The following CNTNAP5 variants were observed in gnomAD, a reference collection of about 807,000 sequenced individuals.
CNTNAP5 encodes the protein contactin associated protein family member 5, also known as contactin-associated protein-like 5.
CNTNAP5 carries 72 observed loss-of-function variants against 150.2 expected under a neutral mutation model. The ratio of observed to expected loss-of-function variants is 0.48; its 90% confidence interval spans 0.40 to 0.58. The LOEUF is 0.58. Ranked by LOEUF, CNTNAP5 falls within the 20% of genes least tolerant of loss-of-function variation. CNTNAP5 has a pLI of 0.00. For synonymous variants in CNTNAP5, 672 were observed against 619.8 expected, an observed-to-expected ratio of 1.08 and a Z score of -1.25; for missense variants, 1,636 against 1,626.2, an observed-to-expected ratio of 1.01 and a Z score of -0.10.
intron 7 of CNTNAP5, among the ~76,000 whole-genome samples, chr2:124,495,799 C>G (rs1271992335): frequency 6.6e-6 from 1 of 152,108 alleles, no homozygotes; most frequent in Non-Finnish European, 1.5e-5. Context: ...TTCCTCCACC[C>G]AAGTCCTATT....
At chr2:124,456,262 G>A (rs1372380549) in intron 6 of CNTNAP5, among the ~76,000 whole-genome samples, 1 of 151,984 alleles carries the variant, frequency 6.6e-6, no homozygotes, top group African/African-American at 2.4e-5. Context: ...CACCAACAGC[G>A]ACAACGCTGA....
At chr2:124,442,630 C>T (rs540539958) in intron 5 of CNTNAP5, among the ~76,000 whole-genome samples, 86 of 152,152 alleles carry the variant, frequency 5.7e-4, no homozygotes, top group African/African-American at 2.0e-3. Context: ...ACCTTTTAAA[C>T]TATTATACAA....
At chr2:124,497,023 T>C (rs776628327) in intron 7 of CNTNAP5, among the ~76,000 whole-genome samples, 2 of 152,198 alleles carry the variant, frequency 1.3e-5, no homozygotes, top group Non-Finnish European at 2.9e-5. Flanking sequence ...AGCTTTACTG[T>C]TGAGCTGGTA....
intron 3 of CNTNAP5, among the ~76,000 whole-genome samples, chr2:124,311,997 TG>T (rs1688842785): frequency 6.6e-6 from 1 of 151,996 alleles, no homozygotes; most frequent in Non-Finnish European, 1.5e-5. Flanking sequence ...CGTGAAATAA[TG>T]GTAGAATGTG....
Position 124,527,423 on chromosome 2 carries a change from A to G in CNTNAP5, c.1616A>G (p.Asp539Gly), listed in dbSNP as rs773945775. 1.2e-6 allele frequency: 2 copies of G among 1,613,708 alleles called. No individual in the cohort carries two copies. The highest frequency in any genetic ancestry group is 1.7e-5 in the Admixed American group (1 of 60,002). The change falls in exon 10 of 24, where the codon GAT becomes GGT. Residue 539 changes from aspartate (D) to glycine (G), a missense_variant. Transcript: ENST00000682447. ...VQQGSLGNFS[D>G]LHIDLCSIKD... is the part of the protein sequence containing the mutation. Reference sequence around the variant, plus strand: ...CAAGGTTCCCTGGGGAATTTTAGTGATTTACACATTGATCTGTGTAGCATC... The same window carrying G: ...CAAGGTTCCCTGGGGAATTTTAGTGGTTTACACATTGATCTGTGTAGCATC...
chr2:124,478,649 A>G (rs1693697415), intron 7 of CNTNAP5, among the ~76,000 whole-genome samples: 1 of 152,124 alleles, frequency 6.6e-6, no homozygotes. Flanking sequence ...GTCAAGCTTA[A>G]AGTTTCCCCC....
At chr2:124,328,216 T>C (rs139189156) in intron 3 of CNTNAP5, among the ~76,000 whole-genome samples, 206 of 152,254 alleles carry the variant, frequency 1.4e-3, no homozygotes, top group African/African-American at 4.4e-3. Flanking sequence ...TTCTAGCAAG[T>C]TGGTACTTTA....
chr2:124,615,018 A>T (rs1345289848), intron 12 of CNTNAP5, among the ~76,000 whole-genome samples: 13 of 152,156 alleles, frequency 8.5e-5, no homozygotes, highest in Admixed American at 7.9e-4. Flanking sequence ...TGTCTTAATT[A>T]AAAAAATACT....
chr2:124,561,717 AAT>A (rs1487112446), intron 10 of CNTNAP5, among the ~76,000 whole-genome samples: 3 of 152,180 alleles, frequency 2.0e-5, no homozygotes, highest in Non-Finnish European at 4.4e-5. Flanking sequence ...GAAAATTTCT[AAT>A]ATGTCTGAAC....
intron 4 of CNTNAP5, among the ~76,000 whole-genome samples, chr2:124,418,826 T>C (rs980963889): frequency 5.3e-5 from 8 of 152,242 alleles, no homozygotes; most frequent in Non-Finnish European, 8.8e-5. Flanking sequence ...AATTTGTCAC[T>C]GCTAGGTTAT....
intron 13 of CNTNAP5, among the ~76,000 whole-genome samples, chr2:124,681,264 T>C (rs966788779): frequency 2.7e-5 from 4 of 146,170 alleles, no homozygotes; most frequent in African/African-American, 1.0e-4. Flanking sequence ...ATCGAGCCAC[T>C]GTACTCCAGC....
chr2:124,250,472 T>G (rs182094790), intron 3 of CNTNAP5, among the ~76,000 whole-genome samples: 302 of 152,298 alleles, frequency 2.0e-3, no homozygotes, highest in Non-Finnish European at 3.5e-3. Flanking sequence ...TCTCAGGGTC[T>G]GCTTTCTTTT....
In CNTNAP5 at chr2:124,230,619, C is replaced by T. The variant is rs1686591872; in HGVS notation, c.187+8810C>T. Among the ~76,000 whole-genome samples, 4 of 151,626 alleles carry T rather than the reference C, an allele frequency of 2.6e-5. No homozygotes were observed. In the South Asian group the frequency reaches 8.4e-4, roughly 32 times the overall value. The stretch of plus-strand genomic sequence containing the variant: ...TGATCTCGGCTCACTGCAACCTCTG[C>T]CTCCCAGGTTCAAGCAATTCTCCTG... On this transcript the variant is annotated intron_variant, in intron 2 of 23. Transcript: ENST00000682447.
At position 124,530,629 on chromosome 2, in the gene CNTNAP5, C is replaced by T. The variant is rs755163678; in HGVS notation, c.1649+3173C>T. On this transcript the variant is annotated intron_variant, in intron 10 of 23. Transcript: ENST00000682447. ...AAAGGACTTGGAAGAACTGGCCTTG[C>T]GCACGGCTCTGGAAGCAGGAAGGTG... 4.6e-5 allele frequency among the ~76,000 whole-genome samples: 7 copies of T among 152,138 alleles called. No homozygotes were observed. The South Asian group carries it at 1.0e-3, about 23-fold the overall frequency.
At chr2:124,651,708 T>G (rs1678326198) in intron 13 of CNTNAP5, among the ~76,000 whole-genome samples, 1 of 152,192 alleles carries the variant, frequency 6.6e-6, no homozygotes, top group South Asian at 2.1e-4. Flanking sequence ...TTGTATAAAT[T>G]TCCTTATTGT....
At position 124,713,310 on chromosome 2, in the gene CNTNAP5, CTTTCTTTCCTTTCTTTCTTTCTTTCTT is replaced by C. The variant is rs1558746903; in HGVS notation, c.2078-33917_2078-33891del. 9.1e-4 allele frequency among the ~76,000 whole-genome samples: 66 copies of C among 72,836 alleles called. 2 individuals are homozygous for C. Among genetic ancestry groups the C allele is most frequent in the Admixed American group, 6.7e-3 (41 of 6,118 alleles). 47.8% of individuals were successfully genotyped at this position (72,836 alleles called of 152,430 possible). On this transcript the variant is annotated intron_variant, in intron 13 of 23. Coordinates refer to ENST00000682447, the MANE Select transcript of CNTNAP5 (RefSeq NM_001367498.1). ...CTTTCTTTCTTTCTTTCTTCTTTCTCTTTCTTTCCTTTCTTTCTTTCTTTCTTTCTTTCTTTCTTTCTTTCTTTCTTT... is the reference window on the plus strand; with the variant it reads ...CTTTCTTTCTTTCTTTCTTCTTTCTCTCTTTCTTTCTTTCTTTCTTTCTTT...
At chr2:124,391,607 A>G (rs1248791014) in intron 3 of CNTNAP5, among the ~76,000 whole-genome samples, 2 of 152,232 alleles carry the variant, frequency 1.3e-5, no homozygotes, top group Non-Finnish European at 2.9e-5. Context: ...ATAAAAAACA[A>G]AAAGGACCAG....
At chr2:124,769,624 G>T (rs1361860624) in intron 16 of CNTNAP5, among the ~76,000 whole-genome samples, 2 of 152,164 alleles carry the variant, frequency 1.3e-5, no homozygotes, top group Non-Finnish European at 2.9e-5. Context: ...TGTTATACTG[G>T]GCCACAGTGG....
intron 1 of CNTNAP5, among the ~76,000 whole-genome samples, chr2:124,053,071 T>A (rs1681752344): frequency 7.5e-6 from 1 of 132,824 alleles, no homozygotes; most frequent in South Asian, 2.6e-4. Flanking sequence ...CCAGCCACAT[T>A]ATTCGGAAAC....
Sources: gnomAD v4.1 joint callset for allele counts (sites outside exome capture counted in the v4.1 genomes callset) on GRCh38, gnomAD v4.1.1 for gene constraint, MANE v1.5 for transcripts, NCBI Gene and HGNC (gene_info 2026-07-23, HGNC 2026-07-21) for gene names.